The following FAM53A variants were observed in gnomAD, a reference collection of about 807,000 sequenced individuals.
The protein encoded by FAM53A is protein FAM53A.
FAM53A carries 28 observed loss-of-function variants against 26.6 expected under a neutral mutation model. That is an observed-to-expected ratio of 1.05 (90% CI 0.78 to 1.45). FAM53A has a LOEUF of 1.45. FAM53A is among the 40% of genes most tolerant of loss of function. The pLI is 0.00. For synonymous variants in FAM53A, 290 were observed against 253.1 expected, an observed-to-expected ratio of 1.15 and a Z score of -1.38; for missense variants, 650 against 575.8, an observed-to-expected ratio of 1.13 and a Z score of -1.32.
In FAM53A at chr4:1,668,657, A is replaced by G. The variant is rs1202186268; in HGVS notation, c.75+10T>C. On this transcript the variant is annotated intron_variant, in intron 2 of 4. Transcript: ENST00000308132. ...GGGCACCCAGCCTGGTGCCACCTGC[A>G]GCTGCTTACCGGGCCAGCCTCCGCC... 6.2e-7 allele frequency: 1 copy of G among 1,613,998 alleles called. No individual in the cohort carries two copies. Among genetic ancestry groups the G allele is most frequent in the Non-Finnish European group, 8.5e-7 (1 of 1,179,990 alleles).
At chr4:1,676,581 G>A (rs546019210) in intron 1 of FAM53A, among the ~76,000 whole-genome samples, 2 of 152,128 alleles carry the variant, frequency 1.3e-5, no homozygotes, top group South Asian at 2.1e-4. Flanking sequence ...ACTCCCAAAC[G>A]TGCAGAGGCC....
intron 4 of FAM53A, among the ~76,000 whole-genome samples, chr4:1,653,173 G>A (rs987574233): frequency 6.6e-6 from 1 of 151,942 alleles, no homozygotes; most frequent in African/African-American, 2.4e-5. Flanking sequence ...TTTGACGGCA[G>A]CCCTGCCCTT....
the FAM53A span, among the ~76,000 whole-genome samples, chr4:1,576,734 G>T: frequency 6.6e-6 from 1 of 152,234 alleles, no homozygotes; most frequent in Non-Finnish European, 1.5e-5. Flanking sequence ...TGGGGCCAGG[G>T]TCCACATTCT....
At chr4:1,658,022 T>G (rs1178125924) in intron 2 of FAM53A, among the ~76,000 whole-genome samples, 1 of 150,984 alleles carries the variant, frequency 6.6e-6, no homozygotes, top group Non-Finnish European at 1.5e-5. Flanking sequence ...TTTTTTTGTC[T>G]GTTTTTGAGA....
At chr4:1,617,796 G>A (rs1714862231), downstream of FAM53A, 4 of 336,068 alleles carry the variant, frequency 1.2e-5, no homozygotes, top group South Asian at 6.9e-5. Context: ...TAGCATTCTG[G>A]GTTGACGGTT....
At chr4:1,605,389 C>G in the FAM53A span, among the ~76,000 whole-genome samples, 1 of 152,016 alleles carries the variant, frequency 6.6e-6, no homozygotes, top group African/African-American at 2.4e-5. The surrounding 1 kb of genome is among the most constrained non-coding windows in gnomAD (Gnocchi z 5.7). Flanking sequence ...ACAGCCGTGC[C>G]GGTGACCCAG....
At chr4:1,663,685 T>C (rs1325190049) in intron 2 of FAM53A, among the ~76,000 whole-genome samples, 1 of 151,956 alleles carries the variant, frequency 6.6e-6, no homozygotes, top group African/African-American at 2.4e-5. Flanking sequence ...ACTTTAACTG[T>C]AGGCTGGGCG....
chr4:1,589,195 G>A, the FAM53A span, among the ~76,000 whole-genome samples: 4 of 152,110 alleles, frequency 2.6e-5, no homozygotes, highest in African/African-American at 9.7e-5. Context: ...ACAATAAATA[G>A]AGATCCAGTG....
At chr4:1,605,729 G>A in the FAM53A span, among the ~76,000 whole-genome samples, 4 of 152,122 alleles carry the variant, frequency 2.6e-5, no homozygotes, top group African/African-American at 7.2e-5. The surrounding 1 kb of genome is among the most constrained non-coding windows in gnomAD (Gnocchi z 5.7). Flanking sequence ...CTGCCCAGAG[G>A]CACCTGCAGG....
At chr4:1,681,126 C>G (rs529082524) in intron 1 of FAM53A, among the ~76,000 whole-genome samples, 1 of 152,064 alleles carries the variant, frequency 6.6e-6, no homozygotes, top group East Asian at 1.9e-4. Flanking sequence ...GATGAAGTTT[C>G]GCTGTTGCTG....
downstream of FAM53A, among the ~76,000 whole-genome samples, chr4:1,616,009 CT>C (rs1170137518): frequency 6.6e-6 from 1 of 152,170 alleles, no homozygotes; most frequent in Non-Finnish European, 1.5e-5. Context: ...GTCATCACCC[CT>C]GGGTGCTGGG....
At chr4:1,579,339 C>A in the FAM53A span, among the ~76,000 whole-genome samples, 1 of 151,802 alleles carries the variant, frequency 6.6e-6, no homozygotes, top group Non-Finnish European at 1.5e-5. Context: ...CGTGGGAGGC[C>A]CCTCCCTACC....
chr4:1,631,229 C>A (rs1715597371), intron 1 of FAM53A, among the ~76,000 whole-genome samples: 1 of 152,180 alleles, frequency 6.6e-6, no homozygotes, highest in African/African-American at 2.4e-5. Context: ...CTGCTTGGGG[C>A]TTCCCAGCAG....
intron 1 of FAM53A, among the ~76,000 whole-genome samples, chr4:1,669,389 C>T (rs1179622134): frequency 6.6e-6 from 1 of 152,246 alleles, no homozygotes; most frequent in Non-Finnish European, 1.5e-5. Flanking sequence ...AGGGTCTGCA[C>T]CTGGCGTGCT....
chr4:1,655,236 C>T lies in FAM53A; in HGVS notation c.624G>A (p.Trp208Ter). The change falls in exon 4 of 5, where the codon TGG (tryptophan) becomes TGA (stop). Residue 208 changes from tryptophan (W) to a stop codon, truncating the protein, a stop_gained. Coordinates refer to ENST00000308132, the MANE Select transcript of FAM53A (RefSeq NM_001174070.3). LOFTEE classifies it high-confidence loss of function. ...AGGGCAAGCAGGACTCCGCGGAACA[C>T]CAGAGCGGGCCTGAGCCCGCACTGC... ...SEGSAGSGPL[W>*]CSAESCLPST... 6.6e-7 allele frequency: 1 copy of T among 1,515,970 alleles called. No individual in the cohort carries two copies. The highest frequency in any genetic ancestry group is 8.8e-7 in the Non-Finnish European group (1 of 1,142,814). 93.9% of individuals were successfully genotyped at this position (1,515,970 alleles called of 1,614,324 possible). A position where few individuals can be genotyped will look rare whatever the true frequency, so the allele number is the denominator to read the frequency against.
intron 4 of FAM53A, among the ~76,000 whole-genome samples, chr4:1,645,818 G>C (rs1055274997): frequency 1.3e-5 from 2 of 152,230 alleles, no homozygotes; most frequent in East Asian, 1.9e-4. Context: ...TTTTCGGTCT[G>C]CGCCGTCTCA....
chr4:1,623,125 C>G (rs1384871843), intron 1 of FAM53A, among the ~76,000 whole-genome samples: 2 of 152,248 alleles, frequency 1.3e-5, no homozygotes, highest in Non-Finnish European at 2.9e-5. Flanking sequence ...CCACGCTGAG[C>G]AGCAGAAAGT....
the FAM53A span, among the ~76,000 whole-genome samples, chr4:1,612,396 C>T: frequency 6.6e-5 from 10 of 152,302 alleles, no homozygotes; most frequent in South Asian, 1.5e-3. Flanking sequence ...CAGGGCCTCC[C>T]GAGAAGCCCA....
downstream of FAM53A, among the ~76,000 whole-genome samples, chr4:1,617,146 A>C (rs1025498376): frequency 7.9e-6 from 1 of 126,376 alleles, no homozygotes; most frequent in African/African-American, 3.2e-5. Context: ...TTTTAAAAAA[A>C]AGTTTCATTT....
Sources: gnomAD v4.1 joint callset for allele counts (sites outside exome capture counted in the v4.1 genomes callset) on GRCh38, gnomAD v4.1.1 for gene constraint, Gnocchi (gnomAD v3.1) non-coding constraint, MANE v1.5 for transcripts, NCBI Gene and HGNC (gene_info 2026-07-23, HGNC 2026-07-21) for gene names.